RBMS3: variants seen among roughly 807,000 people sequenced by gnomAD.
The protein encoded by RBMS3 is RNA-binding motif, single-stranded-interacting protein 3.
RBMS3 carries 27 observed loss-of-function variants against 66.8 expected under a neutral mutation model. That is an observed-to-expected ratio of 0.40 (90% CI 0.30 to 0.56). The LOEUF is 0.56. Among genes scored for constraint, RBMS3 ranks in the 20% least tolerant of loss-of-function variants. The pLI, the probability that RBMS3 is intolerant of heterozygous loss-of-function variation, is 0.40. For synonymous variants in RBMS3, 188 were observed against 183.0 expected, an observed-to-expected ratio of 1.03 and a Z score of -0.22; for missense variants, 513 against 549.5, an observed-to-expected ratio of 0.93 and a Z score of 0.66.
chr3:29,320,196 G>T (rs1383044450), intron 1 of RBMS3, among the ~76,000 whole-genome samples: 1 of 152,030 alleles, frequency 6.6e-6, no homozygotes, highest in African/African-American at 2.4e-5. Flanking sequence ...TGGATAACAA[G>T]AAGTTAATTT....
At chr3:29,354,224 C>T (rs561954736) in intron 1 of RBMS3, among the ~76,000 whole-genome samples, 1 of 152,190 alleles carries the variant, frequency 6.6e-6, no homozygotes, top group Admixed American at 6.6e-5. Flanking sequence ...CATATTGGAA[C>T]ATTTGCTACT....
intron 1 of RBMS3, among the ~76,000 whole-genome samples, chr3:29,410,410 T>C (rs534298515): frequency 1.3e-5 from 2 of 152,228 alleles, no homozygotes; most frequent in African/African-American, 4.8e-5. Flanking sequence ...ACAGCTAGTA[T>C]GCAAATTGCC....
intron 5 of RBMS3, among the ~76,000 whole-genome samples, chr3:29,755,282 G>T (rs976054931): frequency 6.6e-6 from 1 of 152,158 alleles, no homozygotes; most frequent in African/African-American, 2.4e-5. Flanking sequence ...CCCTACTGGG[G>T]ATAATCAGGT....
intron 1 of RBMS3, among the ~76,000 whole-genome samples, chr3:29,407,937 G>A (rs555678008): frequency 6.6e-6 from 1 of 152,226 alleles, no homozygotes; most frequent in East Asian, 1.9e-4. Context: ...GGAACTCAGA[G>A]GAGAGCAGTC....
At chr3:29,883,891 G>T (rs1259170466) in intron 7 of RBMS3, among the ~76,000 whole-genome samples, 1 of 151,936 alleles carries the variant, frequency 6.6e-6, no homozygotes, top group Non-Finnish European at 1.5e-5. Flanking sequence ...TTAGACAGTG[G>T]ATGTTTTAAG....
intron 3 of RBMS3, among the ~76,000 whole-genome samples, chr3:29,503,055 G>T (rs1291616014): frequency 2.0e-5 from 3 of 152,060 alleles, no homozygotes. Flanking sequence ...AATAGCTTGC[G>T]TGTAGTTGTG....
chr3:29,647,487 T>C (rs777263101), intron 4 of RBMS3, among the ~76,000 whole-genome samples: 3 of 152,250 alleles, frequency 2.0e-5, no homozygotes, highest in Non-Finnish European at 4.4e-5. Flanking sequence ...AAATGTTCCA[T>C]TGTCATGTTT....
At chr3:29,796,838 G>C (rs1363713098) in intron 6 of RBMS3, among the ~76,000 whole-genome samples, 1 of 150,424 alleles carries the variant, frequency 6.6e-6, no homozygotes, top group Non-Finnish European at 1.5e-5. Context: ...TCGGCCTCCA[G>C]AGTAGCTGGG....
At chr3:29,589,685 A>G (rs2047659061) in intron 4 of RBMS3, among the ~76,000 whole-genome samples, 1 of 152,054 alleles carries the variant, frequency 6.6e-6, no homozygotes, top group Non-Finnish European at 1.5e-5. Context: ...TCCTGGTGAT[A>G]ACTATTATTT....
At chr3:29,603,824 A>G in intron 4 of RBMS3, among the ~76,000 whole-genome samples, 1 of 151,986 alleles carries the variant, frequency 6.6e-6, no homozygotes, top group Non-Finnish European at 1.5e-5. Flanking sequence ...CCACTATGTT[A>G]ATACTGAAGC....
chr3:29,530,712 A>AG (rs1374044889), intron 3 of RBMS3, among the ~76,000 whole-genome samples: 2 of 150,988 alleles, frequency 1.3e-5, no homozygotes, highest in African/African-American at 4.9e-5. Context: ...ATACAAAAAA[A>AG]AAAAAAAAAA....
chr3:29,788,406 T>C (rs143460590), intron 6 of RBMS3, among the ~76,000 whole-genome samples: 15 of 152,206 alleles, frequency 9.9e-5, no homozygotes, highest in Admixed American at 7.9e-4. Context: ...TTTGTATTTT[T>C]AGTAGAGACG....
chr3:29,757,891 T>C (rs1046678379), intron 5 of RBMS3, among the ~76,000 whole-genome samples: 1 of 152,214 alleles, frequency 6.6e-6, no homozygotes, highest in Non-Finnish European at 1.5e-5. Flanking sequence ...ATTTTCTTTC[T>C]GTTCCAGGAT....
intron 1 of RBMS3, among the ~76,000 whole-genome samples, chr3:29,388,116 T>TGC (rs1559539803): frequency 6.6e-6 from 1 of 151,152 alleles, no homozygotes. Context: ...CACACATGTG[T>TGC]GTGTATGTAT....
chr3:30,003,808 CA>C, intron 14 of RBMS3, 47 bp from the exon 15 acceptor site: 1 of 1,342,890 alleles, frequency 7.4e-7, no homozygotes, highest in Non-Finnish European at 9.8e-7. Context: ...AAGGTGATTT[CA>C]AAGTTACTTT....
chr3:29,921,670 T>G (rs2060784642), intron 10 of RBMS3, among the ~76,000 whole-genome samples: 1 of 152,182 alleles, frequency 6.6e-6, no homozygotes, highest in African/African-American at 2.4e-5. Flanking sequence ...AATGTAATTA[T>G]AGCCAACTCT....
At chr3:29,885,460 A>G (rs1466944267) in intron 8 of RBMS3, among the ~76,000 whole-genome samples, 1 of 151,950 alleles carries the variant, frequency 6.6e-6, no homozygotes, top group Non-Finnish European at 1.5e-5. Flanking sequence ...TAATTAACTC[A>G]CAAAGGAAAA....
At chr3:29,788,226 A>T (rs1006816194) in intron 6 of RBMS3, among the ~76,000 whole-genome samples, 2 of 150,402 alleles carry the variant, frequency 1.3e-5, no homozygotes, top group African/African-American at 4.9e-5. Context: ...TTGGAAAAAA[A>T]TGGTAATTAA....
At chr3:29,517,305 GTGTATATATA>G in intron 3 of RBMS3, among the ~76,000 whole-genome samples, 1 of 111,380 alleles carries the variant, frequency 9.0e-6, no homozygotes, top group South Asian at 2.9e-4. Context: ...GTGTGTGTGT[GTGTATATATA>G]TATATTTTTT....
Sources: allele counts gnomAD v4.1 joint callset (sites outside exome capture counted in the v4.1 genomes callset), GRCh38; gene constraint gnomAD v4.1.1; transcripts MANE v1.5; gene names NCBI Gene and HGNC (gene_info 2026-07-23, HGNC 2026-07-21).